The following SNX4 variants were observed in gnomAD, a reference collection of about 807,000 sequenced individuals.
The protein encoded by SNX4 is sorting nexin 4.
SNX4 carries 49 observed loss-of-function variants against 70.8 expected under a neutral mutation model. That is an observed-to-expected ratio of 0.69 (90% CI 0.55 to 0.88). The LOEUF is 0.88. Ranked by LOEUF, SNX4 falls within the 40% of genes least tolerant of loss-of-function variation. The pLI is 0.00. For synonymous variants in SNX4, 206 were observed against 183.8 expected (o/e 1.12, Z -0.98); for missense variants, 528 against 544.8 (o/e 0.97, Z 0.31).
At chr3:125,457,493 T>A in intron 10 of SNX4, 128 bp from the exon 11 acceptor site, 5 of 686,800 alleles carry the variant, frequency 7.3e-6, no homozygotes. Context: ...AATTTTCAAG[T>A]TTAAAATGTA....
intron 1 of SNX4, among the ~76,000 whole-genome samples, chr3:125,510,356 G>T (rs1248826830): frequency 6.6e-6 from 1 of 151,194 alleles, no homozygotes; most frequent in East Asian, 2.0e-4. Context: ...TCAGCCTCCC[G>T]AGAAGCTGGG....
intron 6 of SNX4, among the ~76,000 whole-genome samples, chr3:125,482,812 C>T (rs2107547279): frequency 6.6e-6 from 1 of 152,048 alleles, no homozygotes; most frequent in Non-Finnish European, 1.5e-5. Context: ...CTCTTACTCC[C>T]CCAGGGCAGT....
intron 1 of SNX4, among the ~76,000 whole-genome samples, chr3:125,506,260 G>A (rs75426565): frequency 4.0e-5 from 6 of 151,290 alleles, no homozygotes; most frequent in Non-Finnish European, 7.4e-5. Flanking sequence ...CCTTCAGAGG[G>A]AAAAAATACA....
At chr3:125,516,274 C>T (rs996374595) in intron 1 of SNX4, among the ~76,000 whole-genome samples, 3 of 152,192 alleles carry the variant, frequency 2.0e-5, no homozygotes, top group Non-Finnish European at 4.4e-5. Context: ...TCCTCCACTC[C>T]CTTGCTATTT....
At chr3:125,510,774 GGTAGCT>G (rs1935153572) in intron 1 of SNX4, among the ~76,000 whole-genome samples, 1 of 152,178 alleles carries the variant, frequency 6.6e-6, no homozygotes, top group African/African-American at 2.4e-5. Flanking sequence ...GGGGGAAATA[GGTAGCT>G]GTGGTTTAAC....
In SNX4 at chr3:125,520,092, CAGCCCAGCGTCTGGGG is replaced by C; in HGVS notation, c.65_80del (p.Ser22TrpfsTer22). 2 of 1,531,618 alleles carry C rather than the reference CAGCCCAGCGTCTGGGG, an allele frequency of 1.3e-6. No individual in the cohort carries two copies. Among genetic ancestry groups the C allele is most frequent in the East Asian group, 2.8e-5 (1 of 36,006 alleles). The allele number at this position is 1,531,618 out of a possible 1,614,324, so 94.9% of individuals were successfully genotyped here. On this transcript the variant is annotated frameshift_variant, in exon 1 of 14. Coordinates refer to ENST00000251775, the MANE Select transcript of SNX4 (RefSeq NM_003794.4). LOFTEE classifies it high-confidence loss of function. ...CCGCTTCCTTGCCGACCGCAGCCCC[CAGCCCAGCGTCTGGGG>C]AGCCCAGCGGCTCCAAGGGCGCCGG...
At chr3:125,454,260 A>C (rs1341874225) in intron 11 of SNX4, among the ~76,000 whole-genome samples, 1 of 152,200 alleles carries the variant, frequency 6.6e-6, no homozygotes, top group Non-Finnish European at 1.5e-5. Context: ...CCTGTTTGGA[A>C]CCAGGCTGCA....
chr3:125,476,050 GA>G (rs1934282631), intron 8 of SNX4, among the ~76,000 whole-genome samples: 1 of 151,462 alleles, frequency 6.6e-6, no homozygotes, highest in Non-Finnish European at 1.5e-5. Flanking sequence ...GGTGGATCAC[GA>G]GGTCAGGAGT....
chr3:125,505,542 C>A (rs1160221261), intron 1 of SNX4, among the ~76,000 whole-genome samples: 3 of 152,234 alleles, frequency 2.0e-5, no homozygotes, highest in Admixed American at 2.0e-4. Flanking sequence ...AGCTGTGCAG[C>A]ATTCCTGGAA....
At chr3:125,490,043 C>T (rs1252469130) in intron 5 of SNX4, among the ~76,000 whole-genome samples, 1 of 151,458 alleles carries the variant, frequency 6.6e-6, no homozygotes, top group African/African-American at 2.4e-5. Context: ...GCAGGAGAGT[C>T]GCTTGAACCT....
At chr3:125,476,045 A>G (rs527311190) in intron 8 of SNX4, among the ~76,000 whole-genome samples, 31 of 151,692 alleles carry the variant, frequency 2.0e-4, no homozygotes, top group Admixed American at 2.0e-3. Context: ...AGGCGGGTGG[A>G]TCACGAGGTC....
chr3:125,512,692 G>A lies in SNX4; in HGVS notation c.141+7340C>T, dbSNP rs144978339. ...ATATTATGCGTAGAGAAGAGGTATC[G>A]CTATGTTGCCTAGGCTGGTCTCAAA... On this transcript the variant is annotated intron_variant, in intron 1 of 13. Transcript: ENST00000251775. Among the ~76,000 whole-genome samples, 399 of 152,016 alleles carry A rather than the reference G, an allele frequency of 2.6e-3. 1 individual carries two copies. Among genetic ancestry groups the A allele is most frequent in the African/African-American group, 8.7e-3 (360 of 41,466 alleles).
chr3:125,483,180 T>TA (rs1266615119), intron 6 of SNX4, among the ~76,000 whole-genome samples: 7 of 150,604 alleles, frequency 4.6e-5, no homozygotes, highest in African/African-American at 1.7e-4. Flanking sequence ...TATAAATATA[T>TA]AAAATCTCAG....
intron 5 of SNX4, among the ~76,000 whole-genome samples, chr3:125,496,321 T>A (rs188125421): frequency 6.6e-6 from 1 of 152,238 alleles, no homozygotes; most frequent in Admixed American, 6.5e-5. Flanking sequence ...AAAATATTTA[T>A]AAATTAGAAT....
chr3:125,497,920 G>T lies in SNX4; in HGVS notation c.463C>A (p.Arg155=). ...AAGAGAAAGTTTTCTAAACCAATCC[G>T]TCGCCTCTCCACAAAATCTGGATCC... is the stretch of plus-strand genomic sequence containing the variant. The part of the protein sequence containing the change: ...NMDPDFVERR[R]IGLENFLLRI... Residue 155 remains arginine, a synonymous_variant, in exon 4 of 14, where the codon CGG becomes AGG. Transcript: ENST00000251775. The T allele has an allele frequency of 6.2e-7, 1 of 1,614,122 alleles. No individual in the cohort carries two copies. The highest frequency in any genetic ancestry group is 1.3e-5 in the African/African-American group (1 of 75,034).
In SNX4 at chr3:125,464,564, C is replaced by CTTT. The variant is rs778518316; in HGVS notation, c.855-3707_855-3705dup. Among the ~76,000 whole-genome samples, 122 of 67,056 alleles carry CTTT rather than the reference C, an allele frequency of 1.8e-3. 7 individuals carry two copies. The highest frequency in any genetic ancestry group is 6.0e-3 in the African/African-American group (90 of 15,034). 44.0% of individuals were successfully genotyped at this position (67,056 alleles called of 152,430 possible). ...CTGTTCCATTGATCTATTTATCTTTCTTTTTTTTTTTTTTTTTTTTTTTTT... is the reference window on the plus strand; with the variant it reads ...CTGTTCCATTGATCTATTTATCTTTCTTTTTTTTTTTTTTTTTTTTTTTTTTTT... On this transcript the variant is annotated intron_variant, in intron 9 of 13. Transcript: ENST00000251775.
At chr3:125,518,914 G>A (rs777977889) in intron 1 of SNX4, among the ~76,000 whole-genome samples, 6 of 152,080 alleles carry the variant, frequency 3.9e-5, no homozygotes, top group African/African-American at 7.2e-5. Context: ...TCAGGTAGCT[G>A]AGGGATGAGA....
In SNX4 at chr3:125,476,723, C is replaced by A; in HGVS notation, c.760G>T (p.Val254Leu). The A allele has an allele frequency of 6.3e-7, 1 of 1,598,940 alleles. No homozygotes were observed. Among genetic ancestry groups the A allele is most frequent in the Non-Finnish European group, 8.6e-7 (1 of 1,168,724 alleles). Residue 254 changes from valine to leucine, a missense_variant, in exon 8 of 14, where the codon GTA becomes TTA. Val to Leu is a conservative substitution (Grantham distance 32). Coordinates refer to ENST00000251775, the MANE Select transcript of SNX4 (RefSeq NM_003794.4). ...AAAACTCGACCATAATTCCCATGTA[C>A]TTTATATACACCATAGAGTCGATCT... is the stretch of plus-strand genomic sequence containing the variant. ...VADRLYGVYK[V>L]HGNYGRVFSE...
chr3:125,484,998 C>T (rs1446864807), intron 6 of SNX4, among the ~76,000 whole-genome samples: 1 of 151,846 alleles, frequency 6.6e-6, no homozygotes, highest in Non-Finnish European at 1.5e-5. Context: ...ACCCGGGAGG[C>T]GGAGGTTGCA....
Sources: gnomAD v4.1 joint callset for allele counts (sites outside exome capture counted in the v4.1 genomes callset) on GRCh38, gnomAD v4.1.1 for gene constraint, MANE v1.5 for transcripts, NCBI Gene and HGNC (gene_info 2026-07-23, HGNC 2026-07-21) for gene names.